The following ACCSL variants were observed in gnomAD, a reference collection of about 807,000 sequenced individuals.
ACCSL encodes 1-aminocyclopropane-1-carboxylate synthase homolog (inactive) like.
Under a neutral mutation model 61.7 loss-of-function variants are expected in ACCSL, and 55 were observed. That is an observed-to-expected ratio of 0.89 (90% CI 0.72 to 1.12). The LOEUF is 1.12. ACCSL is among the 50% of genes most tolerant of loss of function. The pLI, the probability that ACCSL is intolerant of heterozygous loss-of-function variation, is 0.00. For missense variants in ACCSL, 632 were observed against 698.0 expected (o/e 0.91, Z 1.07); for synonymous variants, 258 against 264.3 (o/e 0.98, Z 0.23).
chr11:44,008,915 C>T, the ACCSL span, among the ~76,000 whole-genome samples: 12 of 152,310 alleles, frequency 7.9e-5, no homozygotes, highest in African/African-American at 2.6e-4. Flanking sequence ...GCCTGTGATC[C>T]CAGCACTTTG....
chr11:44,014,483 CAGAGAGAGAGAG>C, the ACCSL span, among the ~76,000 whole-genome samples: 18,488 of 128,802 alleles, frequency 0.14, 1,241 homozygotes, highest in African/African-American at 0.21. Flanking sequence ...GAGAGATAGC[CAGAGAGAGAGAG>C]AGAGAGAGAG....
chr11:44,047,834 C>T (rs1379645320), upstream of ACCSL: 1 of 619,850 alleles, frequency 1.6e-6, no homozygotes, highest in East Asian at 2.8e-5. Context: ...TACTCATTGC[C>T]CTAAAGAGTA....
chr11:44,046,825 C>G (rs894592744), upstream of ACCSL, among the ~76,000 whole-genome samples: 1 of 152,140 alleles, frequency 6.6e-6, no homozygotes, highest in Non-Finnish European at 1.5e-5. Flanking sequence ...TGGCCTCAAG[C>G]TTTCCTACCT....
chr11:44,039,061 T>G, the ACCSL span, among the ~76,000 whole-genome samples: 1 of 152,046 alleles, frequency 6.6e-6, no homozygotes, highest in Non-Finnish European at 1.5e-5. Context: ...AGACAATACT[T>G]GGTATCTAAT....
At chr11:44,054,047 T>C (rs1227228770) in intron 8 of ACCSL, among the ~76,000 whole-genome samples, 3 of 152,244 alleles carry the variant, frequency 2.0e-5, no homozygotes, top group African/African-American at 7.2e-5. Context: ...AGTTTTGTTT[T>C]CTGAGAAATA....
Position 44,054,171 on chromosome 11 carries a change from C to T in ACCSL, c.1049+665C>T, listed in dbSNP as rs117130202. On this transcript the variant is annotated intron_variant, in intron 8 of 13. Coordinates refer to ENST00000378832, the MANE Select transcript of ACCSL (RefSeq NM_001031854.2). Reference sequence around the variant, plus strand: ...AGTGCCGAGGAAGACACTTTCAGACCTTGTGGGATGAAGACGTGTTCCTAT... The same window carrying T: ...AGTGCCGAGGAAGACACTTTCAGACTTTGTGGGATGAAGACGTGTTCCTAT... Among the ~76,000 whole-genome samples the T allele has an allele frequency of 3.9e-5, 6 of 152,310 alleles. No homozygotes were observed. In the East Asian group the frequency reaches 1.2e-3, roughly 29 times the overall value.
At chr11:44,054,490 T>G (rs1351702750) in intron 8 of ACCSL, among the ~76,000 whole-genome samples, 8 of 151,466 alleles carry the variant, frequency 5.3e-5, no homozygotes, top group African/African-American at 1.9e-4. Flanking sequence ...GGAGTCTCGC[T>G]CTGTCACCCA....
chr11:43,959,379 C>T, the ACCSL span, among the ~76,000 whole-genome samples: 2 of 152,244 alleles, frequency 1.3e-5, no homozygotes, highest in Admixed American at 1.3e-4. Flanking sequence ...GGAATGTGGC[C>T]TCAAGATGGA....
the ACCSL span, among the ~76,000 whole-genome samples, chr11:43,929,228 G>A: frequency 1.3e-5 from 2 of 152,072 alleles, no homozygotes; most frequent in Non-Finnish European, 2.9e-5. Context: ...GTTGTTTTTT[G>A]CTTTTGTTTT....
chr11:43,981,015 G>A, the ACCSL span, among the ~76,000 whole-genome samples: 7 of 152,166 alleles, frequency 4.6e-5, no homozygotes, highest in Admixed American at 3.9e-4. Context: ...GAAGTAAACC[G>A]GAAAGAAGGA....
At chr11:43,950,064 C>G in the ACCSL span, among the ~76,000 whole-genome samples, 1 of 152,190 alleles carries the variant, frequency 6.6e-6, no homozygotes, top group African/African-American at 2.4e-5. Flanking sequence ...TGCAGATTCA[C>G]TGAGCCAGAC....
At chr11:43,922,935 T>C in the ACCSL span, among the ~76,000 whole-genome samples, 1 of 152,216 alleles carries the variant, frequency 6.6e-6, no homozygotes, top group Non-Finnish European at 1.5e-5. Context: ...TAGCACCAGA[T>C]TGCATCCCCA....
chr11:44,053,656 G>T (rs1011239832), intron 8 of ACCSL, 150 bp downstream of exon 8: 1 of 670,360 alleles, frequency 1.5e-6, no homozygotes. Context: ...GAGGTCAGGA[G>T]TTCGAGACCA....
At chr11:43,975,682 A>C in the ACCSL span, among the ~76,000 whole-genome samples, 1 of 148,478 alleles carries the variant, frequency 6.7e-6, no homozygotes, top group Non-Finnish European at 1.5e-5. Context: ...CAGCAAAAAC[A>C]TCACTACCTT....
chr11:43,926,551 A>AG, the ACCSL span: 1 of 452,918 alleles, frequency 2.2e-6, no homozygotes, highest in East Asian at 7.0e-5. Context: ...AGATGCGGTG[A>AG]GGGATACGTG....
chr11:44,045,819 G>A (rs369640128), upstream of ACCSL, among the ~76,000 whole-genome samples: 1 of 152,214 alleles, frequency 6.6e-6, no homozygotes, highest in African/African-American at 2.4e-5. Flanking sequence ...TTACAGAGCT[G>A]TCCAAAGAGC....
chr11:44,014,930 C>G, the ACCSL span, among the ~76,000 whole-genome samples: 1 of 152,218 alleles, frequency 6.6e-6, no homozygotes, highest in African/African-American at 2.4e-5. Context: ...TCAGCATCCT[C>G]AACCCAGGGC....
chr11:43,962,585 G>A, the ACCSL span, among the ~76,000 whole-genome samples: 1 of 152,316 alleles, frequency 6.6e-6, no homozygotes, highest in East Asian at 1.9e-4. Flanking sequence ...AAAGGATCCA[G>A]CCCCAAGGCA....
At chr11:43,927,859 T>C in the ACCSL span, among the ~76,000 whole-genome samples, 92 of 152,350 alleles carry the variant, frequency 6.0e-4, 1 homozygote, top group Middle Eastern at 3.4e-3. Context: ...GAAGCTGTCC[T>C]GTGCCTGGCA....
Sources: allele counts gnomAD v4.1 joint callset (sites outside exome capture counted in the v4.1 genomes callset), GRCh38; gene constraint gnomAD v4.1.1; transcripts MANE v1.5; gene names NCBI Gene and HGNC (gene_info 2026-07-23, HGNC 2026-07-21).